The following GRK3 variants were observed in gnomAD, a reference collection of about 807,000 sequenced individuals.
The protein encoded by GRK3 is G protein-coupled receptor kinase 3.
In GRK3, 54 loss-of-function variants were observed where a neutral mutation model predicts 95.7. The observed-to-expected ratio is 0.56, with a 90% CI of 0.45 to 0.71. The LOEUF (loss-of-function observed/expected upper bound fraction) is 0.71, where lower values mean the gene tolerates loss of function less well. Among genes scored for constraint, GRK3 ranks in the 30% least tolerant of loss-of-function variants. The pLI, the probability that GRK3 is intolerant of heterozygous loss-of-function variation, is 0.00. For missense variants in GRK3, 649 were observed against 851.2 expected (o/e 0.76, Z 2.96); for synonymous variants, 281 against 290.8 (o/e 0.97, Z 0.34).
intron 16 of GRK3, among the ~76,000 whole-genome samples, chr22:25,710,632 G>C (rs2085336438): frequency 6.6e-6 from 1 of 152,188 alleles, no homozygotes; most frequent in Non-Finnish European, 1.5e-5. Context: ...TACTGAATTA[G>C]AGTCCGACCT....
intron 12 of GRK3, among the ~76,000 whole-genome samples, chr22:25,691,747 T>G (rs1470666749): frequency 6.6e-6 from 1 of 152,242 alleles, no homozygotes; most frequent in African/African-American, 2.4e-5. Flanking sequence ...GAATTAACTT[T>G]CAGATATGGG....
At chr22:25,654,921 C>T (rs1039067161) in intron 3 of GRK3, among the ~76,000 whole-genome samples, 1 of 152,108 alleles carries the variant, frequency 6.6e-6, no homozygotes, top group Non-Finnish European at 1.5e-5. Flanking sequence ...TTGGAGGATG[C>T]TGCAAAACTC....
intron 19 of GRK3, among the ~76,000 whole-genome samples, chr22:25,719,896 A>G (rs1052629688): frequency 5.3e-5 from 8 of 152,356 alleles, no homozygotes; most frequent in African/African-American, 1.9e-4. Context: ...TTTTCATTCA[A>G]TTATGAATGA....
chr22:25,596,066 A>G (rs1306829169), intron 1 of GRK3, among the ~76,000 whole-genome samples: 1 of 152,228 alleles, frequency 6.6e-6, no homozygotes, highest in African/African-American at 2.4e-5. Context: ...ACCACCCTCT[A>G]CAAGAAGGGA....
At chr22:25,633,142 C>T (rs575697791) in intron 2 of GRK3, among the ~76,000 whole-genome samples, 3 of 152,050 alleles carry the variant, frequency 2.0e-5, no homozygotes, top group South Asian at 4.2e-4. Flanking sequence ...GCTTCGAACT[C>T]CTGACCTCAA....
intron 11 of GRK3, among the ~76,000 whole-genome samples, chr22:25,689,758 T>C (rs1242242621): frequency 2.0e-5 from 3 of 152,220 alleles, no homozygotes; most frequent in Non-Finnish European, 4.4e-5. Context: ...ACTTCCTGTC[T>C]GTCCTGTGCT....
At chr22:25,718,162 T>C in intron 18 of GRK3, 83 bp from the exon 19 acceptor site, 2 of 1,459,992 alleles carry the variant, frequency 1.4e-6, no homozygotes, top group East Asian at 2.3e-5. Context: ...AAAAAGCATG[T>C]CTGTTCTTTT....
At chr22:25,590,129 AT>A (rs1932444030) in intron 1 of GRK3, among the ~76,000 whole-genome samples, 1 of 152,158 alleles carries the variant, frequency 6.6e-6, no homozygotes, top group Non-Finnish European at 1.5e-5. Context: ...TTTCCCTTAG[AT>A]TATTTTGAAG....
chr22:25,595,198 A>G (rs560565019), intron 1 of GRK3, among the ~76,000 whole-genome samples: 1 of 152,326 alleles, frequency 6.6e-6, no homozygotes, highest in Admixed American at 6.5e-5. Context: ...TCCAAATTGG[A>G]AAAGAAGGAG....
rs554781480 is a variant in GRK3 at position 25,723,688 on chromosome 22, A to C, written c.*1238A>C. 6.6e-6 allele frequency: 1 copy of C among 152,306 alleles called. No individual in the cohort carries two copies. The highest frequency in any genetic ancestry group is 1.9e-4 in the East Asian group (1 of 5,174). The allele number at this position is 152,306 out of a possible 1,614,324, so 9.4% of individuals were successfully genotyped here. On this transcript the variant is annotated 3_prime_UTR_variant, in exon 21 of 21. Coordinates refer to ENST00000324198, the MANE Select transcript of GRK3 (RefSeq NM_005160.4). ...CCCCCATGTCATCAGTCTTAAAAAA[A>C]AAATTTTACAAATCCACGTATTTGT... is the stretch of plus-strand genomic sequence containing the variant.
Position 25,699,990 on chromosome 22 carries a change from G to A in GRK3, c.1161-3520G>A, listed in dbSNP as rs772832058. ...TGGGATTACAGGCGTGAGCCCCCGC[G>A]CCCGGCCGCTCTGTTTTCTGTTTTA... On this transcript the variant is annotated intron_variant, in intron 13 of 20. Coordinates refer to ENST00000324198, the MANE Select transcript of GRK3 (RefSeq NM_005160.4). 6.6e-5 allele frequency among the ~76,000 whole-genome samples: 10 copies of A among 152,278 alleles called. 1 individual carries two copies. In the South Asian group the frequency reaches 1.0e-3, roughly 16 times the overall value.
chr22:25,577,475 C>T (rs1054019469), intron 1 of GRK3, among the ~76,000 whole-genome samples: 26 of 152,080 alleles, frequency 1.7e-4, no homozygotes, highest in African/African-American at 5.6e-4. Flanking sequence ...GTGCCTGGCC[C>T]GTAAAGGATT....
intron 13 of GRK3, among the ~76,000 whole-genome samples, chr22:25,698,161 GGA>G (rs2085225904): frequency 6.8e-6 from 1 of 146,962 alleles, no homozygotes; most frequent in African/African-American, 2.5e-5. Flanking sequence ...AAGGAAGAAG[GGA>G]GAGAGGAAGA....
intron 12 of GRK3, among the ~76,000 whole-genome samples, chr22:25,692,730 T>C (rs1043309489): frequency 2.6e-5 from 4 of 152,220 alleles, no homozygotes; most frequent in African/African-American, 9.6e-5. Context: ...TCAGAGAAAG[T>C]AAGTAACTTG....
At chr22:25,597,963 G>C (rs1430382030) in intron 1 of GRK3, among the ~76,000 whole-genome samples, 5 of 152,232 alleles carry the variant, frequency 3.3e-5, no homozygotes, top group South Asian at 2.1e-4. Context: ...TGCACTACAA[G>C]AGATGGAGGA....
intron 13 of GRK3, among the ~76,000 whole-genome samples, chr22:25,701,903 AAAG>A (rs1234198696): frequency 1.3e-5 from 2 of 152,212 alleles, no homozygotes; most frequent in Non-Finnish European, 1.5e-5. Flanking sequence ...ATTTTGTATA[AAAG>A]AATGATACAA....
chr22:25,693,860 A>T (rs559635940), intron 12 of GRK3, among the ~76,000 whole-genome samples: 5 of 148,580 alleles, frequency 3.4e-5, no homozygotes, highest in African/African-American at 1.2e-4. Flanking sequence ...GCTCACCATA[A>T]CCTCTGCCTC....
rs1157678995 is a variant in GRK3, at chr22:25,699,694, C to CTTT, written c.1161-3814_1161-3812dup. The stretch of plus-strand genomic sequence containing the variant: ...TTTCTATTTTCTTTTCTTTTCTTTT[C>CTTT]TTTTCTTTTTTTTTTTTTTTTTGAG... On this transcript the variant is annotated intron_variant, in intron 13 of 20. Coordinates refer to ENST00000324198, the MANE Select transcript of GRK3 (RefSeq NM_005160.4). Among the ~76,000 whole-genome samples, 131 of 139,170 alleles carry CTTT rather than the reference C, an allele frequency of 9.4e-4. 2 individuals are homozygous for CTTT. The highest frequency in any genetic ancestry group is 3.2e-3 in the African/African-American group (118 of 37,042). 91.3% of individuals were successfully genotyped at this position (139,170 alleles called of 152,430 possible).
Position 25,726,912 on chromosome 22 carries a change from CGTGTGTGT to C in GRK3, c.*4500_*4507del, listed in dbSNP as rs3223258. ...TTACCAGGCCATCTCCAAAACACCC[CGTGTGTGT>C]GTGTGTGTGTGTGTGTGTGTGTGTG... is the stretch of plus-strand genomic sequence containing the variant. On this transcript the variant is annotated 3_prime_UTR_variant, in exon 21 of 21. Transcript: ENST00000324198. 3,810 of 137,960 alleles carry C rather than the reference CGTGTGTGT, an allele frequency of 0.028. 109 individuals are homozygous for C. The highest frequency in any genetic ancestry group is 0.08 in the South Asian group (305 of 3,792). The allele number at this position is 137,960 out of a possible 1,614,324, so 8.5% of individuals were successfully genotyped here. A position where few individuals can be genotyped will look rare whatever the true frequency, so the allele number is the denominator to read the frequency against.
Sources: gnomAD v4.1 joint callset for allele counts (sites outside exome capture counted in the v4.1 genomes callset) on GRCh38, gnomAD v4.1.1 for gene constraint, MANE v1.5 for transcripts, NCBI Gene and HGNC (gene_info 2026-07-23, HGNC 2026-07-21) for gene names.